The following MYMK variants were observed in gnomAD, a reference collection of about 807,000 sequenced individuals.
MYMK encodes the protein myomaker, myoblast fusion factor.
Under a neutral mutation model 22.4 loss-of-function variants are expected in MYMK, and 16 were observed. That is an observed-to-expected ratio of 0.72 (90% CI 0.48 to 1.09). The LOEUF (loss-of-function observed/expected upper bound fraction) is 1.09. Ranked by LOEUF, MYMK falls within the 50% of genes least tolerant of loss-of-function variation. MYMK has a pLI of 0.00. For synonymous variants in MYMK, 125 were observed against 127.0 expected, an observed-to-expected ratio of 0.98 and a Z score of 0.11; for missense variants, 250 against 295.6, an observed-to-expected ratio of 0.85 and a Z score of 1.13.
rs186239386 is a variant in MYMK, at chr9:133,518,266, G to C, written c.399+608C>G. 3.4e-3 allele frequency among the ~76,000 whole-genome samples: 520 copies of C among 152,336 alleles called. 3 individuals are homozygous for C. Among genetic ancestry groups the C allele is most frequent in the African/African-American group, 0.011 (471 of 41,578 alleles). ...TAGGACGGAGAGAGCAGGGAGCACT[G>C]AAGACCACGTGAGGGCCTTGCTGCT... On this transcript the variant is annotated intron_variant, in intron 3 of 4. Coordinates refer to ENST00000339996, the MANE Select transcript of MYMK (RefSeq NM_001080483.3).
In MYMK at chr9:133,518,925, C is replaced by G. The variant is rs762476122; in HGVS notation, c.348G>C (p.Gly116=). Residue 116 remains glycine, a synonymous_variant, in exon 3 of 5, where the codon GGG becomes GGC. Transcript: ENST00000339996. ...CTGTGCCGATGGGGCCCGAGTACACCCCGTAGCCCCATCGGTCATGGTAGA... is the reference window on the plus strand; with the variant it reads ...CTGTGCCGATGGGGCCCGAGTACACGCCGTAGCCCCATCGGTCATGGTAGA... ...VRIYHDRWGY[G]VYSGPIGTAI... The G allele has an allele frequency of 5.6e-5, 90 of 1,613,640 alleles. No individual in the cohort carries two copies. In the East Asian group the frequency reaches 2.0e-3, roughly 36 times the overall value.
intron 2 of MYMK, 147 bp from the exon 3 acceptor site, chr9:133,519,169 G>T (rs1207341813): frequency 4.1e-6 from 4 of 969,016 alleles, no homozygotes; most frequent in Non-Finnish European, 6.0e-6. Context: ...GGCCCAGCCT[G>T]GTCATGGAGG....
chr9:133,518,686 G>A (rs150139371), intron 3 of MYMK, among the ~76,000 whole-genome samples, 188 bp downstream of exon 3: 4 of 152,304 alleles, frequency 2.6e-5, no homozygotes, highest in Non-Finnish European at 5.9e-5. Flanking sequence ...ACAGACAAGC[G>A]TCACACACAG....
At chr9:133,522,948 C>T (rs1302602655) in intron 1 of MYMK, among the ~76,000 whole-genome samples, 1 of 152,210 alleles carries the variant, frequency 6.6e-6, no homozygotes, top group South Asian at 2.1e-4. Context: ...AGATCCTAGG[C>T]TTGTGGGGAA....
chr9:133,520,687 T>C (rs957912884), intron 1 of MYMK, among the ~76,000 whole-genome samples: 1 of 152,208 alleles, frequency 6.6e-6, no homozygotes, highest in Non-Finnish European at 1.5e-5. Flanking sequence ...CTGTGCTTCC[T>C]TGAAGCACAC....
chr9:133,520,805 T>C (rs1230076706), intron 1 of MYMK, among the ~76,000 whole-genome samples: 1 of 152,152 alleles, frequency 6.6e-6, no homozygotes, highest in African/African-American at 2.4e-5. Context: ...ATTACCCCTC[T>C]GATGACTGGT....
intron 1 of MYMK, among the ~76,000 whole-genome samples, chr9:133,523,958 G>A (rs990895506): frequency 1.3e-5 from 2 of 152,030 alleles, no homozygotes; most frequent in Non-Finnish European, 2.9e-5. Flanking sequence ...GAGAGAGAGA[G>A]AAGACAGGGG....
rs73661423 is a variant in MYMK, at chr9:133,516,418, G to A, written c.400-811C>T. Among the ~76,000 whole-genome samples, 1,103 of 152,262 alleles carry A rather than the reference G, an allele frequency of 7.2e-3. 8 individuals are homozygous for A. The highest frequency in any genetic ancestry group is 0.024 in the African/African-American group (1,003 of 41,548). ...GCGGCCTCGGAGTGGGGCCAGACCCGTGGGGGTACACTCAGGAGGCTATAG... is the reference window on the plus strand; with the variant it reads ...GCGGCCTCGGAGTGGGGCCAGACCCATGGGGGTACACTCAGGAGGCTATAG... On this transcript the variant is annotated intron_variant, in intron 3 of 4. Coordinates refer to ENST00000339996, the MANE Select transcript of MYMK (RefSeq NM_001080483.3).
rs866041485 is a variant in MYMK, at chr9:133,514,675, G to A, written c.627C>T (p.Ala209=). The A allele has an allele frequency of 6.2e-7, 1 of 1,613,976 alleles. No homozygotes were observed. ...NKKAGSPGTP[A]KLDCSTLCCA... The stretch of plus-strand genomic sequence containing the variant: ...AGCACAGGGTGGAGCAGTCCAGCTT[G>A]GCCGGGGTCCCCGGGGATCCAGCCT... The change falls in exon 5 of 5, where the codon GCC becomes GCT. Residue 209 remains alanine, a synonymous_variant. Transcript: ENST00000339996.
Position 133,524,837 on chromosome 9 carries a change from G to T in MYMK, c.8C>A (p.Thr3Lys). 1 of 1,609,586 alleles carries T rather than the reference G, an allele frequency of 6.2e-7. No individual in the cohort carries two copies. The highest frequency in any genetic ancestry group is 8.5e-7 in the Non-Finnish European group (1 of 1,177,772). Residue 3 changes from threonine to lysine, a missense_variant, in exon 1 of 5, where the codon ACG becomes AAG. Coordinates refer to ENST00000339996, the MANE Select transcript of MYMK (RefSeq NM_001080483.3). Reference sequence around the variant, plus strand: ...GGGCAGGAGCAGCTTGGCCACCAGCGTCCCCATGGGCCAGGAGGAAAGCAC... The same window carrying T: ...GGGCAGGAGCAGCTTGGCCACCAGCTTCCCCATGGGCCAGGAGGAAAGCAC... The part of the protein sequence containing the change: MG[T>K]LVAKLLLPTL...
At chr9:133,516,035 A>G (rs1844626610) in intron 3 of MYMK, among the ~76,000 whole-genome samples, 3 of 152,116 alleles carry the variant, frequency 2.0e-5, no homozygotes, top group Admixed American at 6.5e-5. Flanking sequence ...ACTTGTGGTG[A>G]TCCCTGAGCC....
chr9:133,518,732 CGT>C, intron 3 of MYMK, 140 bp downstream of exon 3: 1 of 1,081,070 alleles, frequency 9.3e-7, no homozygotes, highest in East Asian at 2.5e-5. Context: ...CTATTTTCTA[CGT>C]GGTTTTGCTG....
chr9:133,516,445 T>G (rs754330290), intron 3 of MYMK, among the ~76,000 whole-genome samples: 2 of 152,118 alleles, frequency 1.3e-5, no homozygotes, highest in Non-Finnish European at 2.9e-5. Flanking sequence ...AGGCTATAGA[T>G]TTCAGTGGAA....
At chr9:133,519,170 G>T in intron 2 of MYMK, 148 bp from the exon 3 acceptor site, 1 of 971,986 alleles carries the variant, frequency 1.0e-6, no homozygotes, top group Non-Finnish European at 1.5e-6. Context: ...GCCCAGCCTG[G>T]TCATGGAGGG....
chr9:133,524,128 C>G lies in MYMK; in HGVS notation c.135+582G>C, dbSNP rs1034259146. On this transcript the variant is annotated intron_variant, in intron 1 of 4. Coordinates refer to ENST00000339996, the MANE Select transcript of MYMK (RefSeq NM_001080483.3). ...AAGCGGAGACAGTCAGCCAGCCAGACACATAAATAGAAAGAGAAAGACGGA... is the reference window on the plus strand; with the variant it reads ...AAGCGGAGACAGTCAGCCAGCCAGAGACATAAATAGAAAGAGAAAGACGGA... Among the ~76,000 whole-genome samples, 2 of 152,062 alleles carry G rather than the reference C, an allele frequency of 1.3e-5. 1 individual carries two copies. Among genetic ancestry groups the G allele is most frequent in the Non-Finnish European group, 2.9e-5 (2 of 68,018 alleles).
intron 3 of MYMK, among the ~76,000 whole-genome samples, chr9:133,517,728 A>G (rs952996645): frequency 4.6e-5 from 7 of 151,406 alleles, no homozygotes; most frequent in Non-Finnish European, 8.8e-5. Context: ...ACGTCCTGTT[A>G]AGTTGCTGAG....
At chr9:133,516,503 G>A (rs1844633028) in intron 3 of MYMK, among the ~76,000 whole-genome samples, 1 of 152,324 alleles carries the variant, frequency 6.6e-6, no homozygotes, top group Non-Finnish European at 1.5e-5. Context: ...GGGGGTGGGG[G>A]CAGCACCCCA....
At chr9:133,520,327 C>T (rs746626736) in intron 1 of MYMK, 39 bp from the exon 2 acceptor site, 9 of 1,570,462 alleles carry the variant, frequency 5.7e-6, no homozygotes, top group African/African-American at 4.1e-5. Flanking sequence ...CACAAAGAGG[C>T]CAGAGCTGGT....
intron 1 of MYMK, among the ~76,000 whole-genome samples, chr9:133,522,791 C>T (rs1844716226): frequency 6.6e-6 from 1 of 152,242 alleles, no homozygotes; most frequent in East Asian, 1.9e-4. Flanking sequence ...AAGAGGCTTC[C>T]TAGCCCTAGC....
Sources: allele counts gnomAD v4.1 joint callset (sites outside exome capture counted in the v4.1 genomes callset), GRCh38; gene constraint gnomAD v4.1.1; transcripts MANE v1.5; gene names NCBI Gene and HGNC (gene_info 2026-07-23, HGNC 2026-07-21).